Variants in SH2B3 observed in about 807,000 individuals in gnomAD.
SH2B3 encodes SH2B adaptor protein 3.
Under a neutral mutation model 51.9 loss-of-function variants are expected in SH2B3, and 43 were observed. The observed-to-expected ratio is 0.83, with a 90% confidence interval of 0.65 to 1.07. The LOEUF is 1.07. Among genes scored for constraint, SH2B3 ranks in the 50% least tolerant of loss-of-function variants. The probability of loss-of-function intolerance (pLI) is 0.00; values close to 1 mark genes in which losing one functional copy is unlikely to be tolerated. For synonymous variants in SH2B3, 396 were observed against 376.0 expected, an observed-to-expected ratio of 1.05 and a Z score of -0.62; for missense variants, 952 against 834.3, an observed-to-expected ratio of 1.14 and a Z score of -1.74.
At chr12:111,443,051 G>A (rs1873588724) in intron 2 of SH2B3, among the ~76,000 whole-genome samples, 1 of 152,246 alleles carries the variant, frequency 6.6e-6, no homozygotes, top group Admixed American at 6.5e-5. Flanking sequence ...CAGGTCCCCT[G>A]TCCCTCAGCA....
chr12:111,405,253 C>G (rs1358483967), upstream of SH2B3, among the ~76,000 whole-genome samples: 1 of 152,214 alleles, frequency 6.6e-6, no homozygotes, highest in East Asian at 1.9e-4. This position sits in a 1 kb window ranked among gnomAD's most constrained non-coding sequence, Gnocchi z 5.4. Context: ...CGGAGCGAGG[C>G]TGGGCTATAC....
rs887088232 is a variant in SH2B3, at chr12:111,410,951, C to T, written c.-28+4674C>T. Among the ~76,000 whole-genome samples the T allele has an allele frequency of 1.3e-5, 2 of 152,182 alleles. No homozygotes were observed. The highest frequency in any genetic ancestry group is 2.9e-5 in the Non-Finnish European group (2 of 68,030). On this transcript the variant is annotated intron_variant, in intron 1 of 7. Coordinates refer to ENST00000341259, the MANE Select transcript of SH2B3 (RefSeq NM_005475.3). The surrounding 1 kb of genome is among the most constrained non-coding windows in gnomAD (Gnocchi z 4.9). ...TGTGGCCTAGATTCAACCAGGAGGC[C>T]TCCCTGGAGGAAGTGTCCCCTCTGA...
At chr12:111,445,441 GGCCTCACTCT>G (rs1873853537) in intron 2 of SH2B3, among the ~76,000 whole-genome samples, 1 of 152,224 alleles carries the variant, frequency 6.6e-6, no homozygotes, top group African/African-American at 2.4e-5. Context: ...TGCCATGTGA[GGCCTCACTCT>G]GCCTGCCTCA....
chr12:111,408,921 G>A (rs537701114), intron 1 of SH2B3, among the ~76,000 whole-genome samples: 38 of 152,326 alleles, frequency 2.5e-4, no homozygotes, highest in African/African-American at 8.7e-4. Flanking sequence ...GGCACTGAGC[G>A]CTGAGCCTGG....
intron 5 of SH2B3, 39 bp downstream of exon 5, chr12:111,447,258 C>A (rs776644023): frequency 1.9e-6 from 3 of 1,588,058 alleles, no homozygotes; most frequent in Non-Finnish European, 2.6e-6. Flanking sequence ...CTTCTGGGTA[C>A]GCTGGAACCC....
In SH2B3 at chr12:111,418,118, GCC is replaced by G; in HGVS notation, c.-26_-25del. On this transcript the variant is annotated splice_region_variant and 5_prime_UTR_variant, in exon 2 of 8. Coordinates refer to ENST00000341259, the MANE Select transcript of SH2B3 (RefSeq NM_005475.3). The surrounding 1 kb of genome is among the most constrained non-coding windows in gnomAD (Gnocchi z 6.7). ...CGCCCCCCCACCCACGTGTCTTTCA[GCC>G]CGGCCGCACCACCTGGGTCTCCGCC... 6.8e-7 allele frequency: 1 copy of G among 1,476,476 alleles called. No individual in the cohort carries two copies. The highest frequency in any genetic ancestry group is 8.9e-7 in the Non-Finnish European group (1 of 1,125,178). 91.5% of individuals were successfully genotyped at this position (1,476,476 alleles called of 1,614,324 possible).
intron 2 of SH2B3, among the ~76,000 whole-genome samples, chr12:111,431,421 T>C (rs950290301): frequency 5.3e-5 from 8 of 152,206 alleles, no homozygotes; most frequent in Non-Finnish European, 7.4e-5. Flanking sequence ...AGGGCCTCCA[T>C]GTCTGAGTTC....
Position 111,451,373 on chromosome 12 carries a change from C to T in SH2B3, c.*3071C>T, listed in dbSNP as rs1874570765. On this transcript the variant is annotated 3_prime_UTR_variant, in exon 8 of 8. Transcript: ENST00000341259. ...ACTGCAAATGTGTTAGCTCTAACAT[C>T]TCCCACAAGCTAGAGGAACTTGCGA... is the stretch of plus-strand genomic sequence containing the variant. 6.6e-6 allele frequency: 1 copy of T among 152,668 alleles called. No individual in the cohort carries two copies. Among genetic ancestry groups the T allele is most frequent in the Non-Finnish European group, 1.5e-5 (1 of 68,048 alleles). The allele number at this position is 152,668 out of a possible 1,614,324, so 9.5% of individuals were successfully genotyped here.
intron 2 of SH2B3, among the ~76,000 whole-genome samples, chr12:111,425,591 A>G (rs1268531316): frequency 6.6e-6 from 1 of 152,196 alleles, no homozygotes; most frequent in Non-Finnish European, 1.5e-5. Flanking sequence ...GCTGGATTGC[A>G]GAGGCCCTTG....
chr12:111,418,990 G>T lies in SH2B3; in HGVS notation c.732+113G>T. 1 of 1,055,998 alleles carries T rather than the reference G, an allele frequency of 9.5e-7. No homozygotes were observed. Among genetic ancestry groups the T allele is most frequent in the Non-Finnish European group, 1.3e-6 (1 of 797,536 alleles). 65.4% of individuals were successfully genotyped at this position (1,055,998 alleles called of 1,614,324 possible). A position where few individuals can be genotyped will look rare whatever the true frequency, so the allele number is the denominator to read the frequency against. On this transcript the variant is annotated intron_variant, in intron 2 of 7. Coordinates refer to ENST00000341259, the MANE Select transcript of SH2B3 (RefSeq NM_005475.3). The surrounding 1 kb of genome is among the most constrained non-coding windows in gnomAD (Gnocchi z 6.7). ...GCTTTCCAGCTGGTGGCCACAGAGT[G>T]TCCAGAGGGAACTAGGCCCTCTTAA...
In SH2B3 at chr12:111,407,901, G is replaced by C. The variant is rs1244584583; in HGVS notation, c.-28+1624G>C. Among the ~76,000 whole-genome samples the C allele has an allele frequency of 6.6e-6, 1 of 152,222 alleles. No individual in the cohort carries two copies. Among genetic ancestry groups the C allele is most frequent in the Admixed American group, 6.5e-5 (1 of 15,276 alleles). ...TTCGTTCAGCTGAAGGCGTGGGCAAGTGACTCTGCCCTCAGTTTCCCTCTG... is the reference window on the plus strand; with the variant it reads ...TTCGTTCAGCTGAAGGCGTGGGCAACTGACTCTGCCCTCAGTTTCCCTCTG... On this transcript the variant is annotated intron_variant, in intron 1 of 7. Transcript: ENST00000341259. The surrounding 1 kb of genome is among the most constrained non-coding windows in gnomAD (Gnocchi z 4.3).
rs899111445 is a variant in SH2B3, at chr12:111,418,836, G to A, written c.691G>A (p.Asp231Asn). Residue 231 changes from aspartate to asparagine, a missense_variant, in exon 2 of 8, where the codon GAT becomes AAT. By Grantham distance (23) the Asp-to-Asn change is conservative (BLOSUM62 1). Coordinates refer to ENST00000341259, the MANE Select transcript of SH2B3 (RefSeq NM_005475.3). The surrounding 1 kb of genome is among the most constrained non-coding windows in gnomAD (Gnocchi z 6.7). ...GGCGCTGCGCCGGGCCCCGGGCCCC[G>A]ATGGCCCCGACCGCGTGCTGGAGCT... ...RLALRRAPGP[D>N]GPDRVLELFD... The A allele has an allele frequency of 4.4e-5, 63 of 1,420,158 alleles. No homozygotes were observed. The Middle Eastern group carries it at 1.0e-3, about 23-fold the overall frequency. 88.0% of individuals were successfully genotyped at this position (1,420,158 alleles called of 1,614,324 possible).
chr12:111,436,993 G>A (rs1173970964), intron 2 of SH2B3, among the ~76,000 whole-genome samples: 1 of 152,060 alleles, frequency 6.6e-6, no homozygotes, highest in East Asian at 1.9e-4. Context: ...GTGAGCTGGG[G>A]TGCCACCTGC....
At chr12:111,426,962 C>T (rs1324913794) in intron 2 of SH2B3, among the ~76,000 whole-genome samples, 2 of 152,148 alleles carry the variant, frequency 1.3e-5, no homozygotes, top group African/African-American at 4.8e-5. Flanking sequence ...AACCCAGCTC[C>T]AGGCTGGGCT....
In SH2B3 at chr12:111,447,030, G is replaced by C; in HGVS notation, c.923G>C (p.Arg308Pro). 6.2e-7 allele frequency: 1 copy of C among 1,613,138 alleles called. No individual in the cohort carries two copies. The highest frequency in any genetic ancestry group is 8.5e-7 in the Non-Finnish European group (1 of 1,179,134). The change falls in exon 4 of 8, where the codon CGA becomes CCA. Residue 308 changes from arginine (R) to proline (P), a missense_variant. By Grantham distance (103) the Arg-to-Pro change is moderately radical. Coordinates refer to ENST00000341259, the MANE Select transcript of SH2B3 (RefSeq NM_005475.3). ...WMAELSECTG[R>P]GLESTEAEMH... ...GCTGAGCTCTCGGAGTGCACAGGCC[G>C]AGGGTGAGGTCCTGGGCCCTCGTCC...
chr12:111,416,351 T>C (rs993087755), intron 1 of SH2B3, among the ~76,000 whole-genome samples: 1 of 152,188 alleles, frequency 6.6e-6, no homozygotes, highest in Non-Finnish European at 1.5e-5. Context: ...GCTTTACAGC[T>C]ATCAATTCAT....
Position 111,448,414 on chromosome 12 carries a change from C to A in SH2B3, c.*112C>A. ...CTTCCAGAGAAAGATTTAAGGGACA[C>A]TGTTAACTGCTCGTGCCAGTTTGGA... On this transcript the variant is annotated 3_prime_UTR_variant, in exon 8 of 8. Coordinates refer to ENST00000341259, the MANE Select transcript of SH2B3 (RefSeq NM_005475.3). The A allele has an allele frequency of 1.2e-6, 1 of 844,434 alleles. No homozygotes were observed. The highest frequency in any genetic ancestry group is 1.8e-6 in the Non-Finnish European group (1 of 547,322). 52.3% of individuals were successfully genotyped at this position (844,434 alleles called of 1,614,324 possible).
rs1371872356 is a variant in SH2B3 at position 111,418,634 on chromosome 12, C to T, written c.489C>T (p.Pro163=). The T allele has an allele frequency of 3.4e-6, 5 of 1,472,086 alleles. No individual in the cohort carries two copies. The highest frequency in any genetic ancestry group is 4.5e-6 in the Non-Finnish European group (5 of 1,121,150). The allele number at this position is 1,472,086 out of a possible 1,614,324, so 91.2% of individuals were successfully genotyped here. The change falls in exon 2 of 8, where the codon CCC becomes CCT. Residue 163 remains proline, a synonymous_variant. Transcript: ENST00000341259. The surrounding 1 kb of genome is among the most constrained non-coding windows in gnomAD (Gnocchi z 6.7). ...ELPAAHTAAA[P]GTPGEAAETP... Reference sequence around the variant, plus strand: ...CAGCGGCCCACACCGCTGCCGCCCCCGGGACCCCCGGAGAGGCTGCTGAGA... The same window carrying T: ...CAGCGGCCCACACCGCTGCCGCCCCTGGGACCCCCGGAGAGGCTGCTGAGA...
At position 111,418,208 on chromosome 12, in the gene SH2B3, G is replaced by A. The variant is rs772256437; in HGVS notation, c.63G>A (p.Ala21=). The A allele has an allele frequency of 1.9e-6, 3 of 1,577,060 alleles. No homozygotes were observed. Among genetic ancestry groups the A allele is most frequent in the South Asian group, 1.1e-5 (1 of 88,232 alleles). Residue 21 remains alanine (A), a synonymous_variant, in exon 2 of 8, where the codon GCG becomes GCA. Coordinates refer to ENST00000341259, the MANE Select transcript of SH2B3 (RefSeq NM_005475.3). The surrounding 1 kb of genome is among the most constrained non-coding windows in gnomAD (Gnocchi z 6.7). ...PSSAPSASPA[A]APRGWSEFCE... ...CCGCGCCCTCAGCCTCCCCGGCGGC[G>A]GCCCCGCGGGGCTGGAGCGAGTTCT...
Sources: gnomAD v4.1 joint callset for allele counts (sites outside exome capture counted in the v4.1 genomes callset) on GRCh38, gnomAD v4.1.1 for gene constraint, Gnocchi (gnomAD v3.1) non-coding constraint, MANE v1.5 for transcripts, NCBI Gene and HGNC (gene_info 2026-07-23, HGNC 2026-07-21) for gene names.